CSNK1A1: variants seen among roughly 807,000 people sequenced by gnomAD.
The protein encoded by CSNK1A1 is casein kinase 1 alpha 1, also known as casein kinase I isoform alpha.
Under a neutral mutation model 46.1 loss-of-function variants are expected in CSNK1A1, and 7 were observed. That is an observed-to-expected ratio of 0.15 (90% CI 0.09 to 0.29). The LOEUF (loss-of-function observed/expected upper bound fraction) is 0.29, where lower values mean the gene tolerates loss of function less well. Among genes scored for constraint, CSNK1A1 ranks in the 10% least tolerant of loss-of-function variants. CSNK1A1 has a pLI of 1.00. For missense variants in CSNK1A1, 96 were observed against 417.1 expected, an observed-to-expected ratio of 0.23 and a Z score of 6.71; for synonymous variants, 137 against 141.5, an observed-to-expected ratio of 0.97 and a Z score of 0.23.
intron 2 of CSNK1A1, among the ~76,000 whole-genome samples, chr5:149,548,609 C>T (rs1444163986): frequency 3.3e-5 from 5 of 151,926 alleles, no homozygotes; most frequent in African/African-American, 1.2e-4. Flanking sequence ...GCCTGTAATC[C>T]CAGCACTTTG....
In CSNK1A1 at chr5:149,550,014, C is replaced by T; in HGVS notation, c.230+61G>A. 6.3e-7 allele frequency: 1 copy of T among 1,576,334 alleles called. No individual in the cohort carries two copies. The highest frequency in any genetic ancestry group is 8.6e-7 in the Non-Finnish European group (1 of 1,157,406). ...ATTCAGCTGGTCTCATTACCTGCCT[C>T]TACCCACTTCCCCATTCCGTGCTTC... On this transcript the variant is annotated intron_variant, in intron 2 of 9. Coordinates refer to ENST00000377843, the MANE Select transcript of CSNK1A1 (RefSeq NM_001892.6). This position sits in a 1 kb window ranked among gnomAD's most constrained non-coding sequence, Gnocchi z 4.3.
At chr5:149,523,722 T>C (rs1304557591) in intron 3 of CSNK1A1, among the ~76,000 whole-genome samples, 1 of 152,246 alleles carries the variant, frequency 6.6e-6, no homozygotes, top group African/African-American at 2.4e-5. Context: ...TTATGGGGTA[T>C]GTGTGATATT....
At chr5:149,501,335 A>G (rs1180388565) in intron 9 of CSNK1A1, 1 of 985,244 alleles carries the variant, frequency 1.0e-6, no homozygotes, top group East Asian at 1.1e-4. Flanking sequence ...CTTAGAATTG[A>G]GTGTATTCAG....
Position 149,509,056 on chromosome 5 carries a change from C to T in CSNK1A1, c.750+823G>A, listed in dbSNP as rs150736428. On this transcript the variant is annotated intron_variant, in intron 7 of 9. Coordinates refer to ENST00000377843, the MANE Select transcript of CSNK1A1 (RefSeq NM_001892.6). Reference sequence around the variant, plus strand: ...ATCCTGCCCCAGCATCCCCAAGAAGCTGAGATTACAGGCATGCGTCACCAT... The same window carrying T: ...ATCCTGCCCCAGCATCCCCAAGAAGTTGAGATTACAGGCATGCGTCACCAT... Among the ~76,000 whole-genome samples the T allele has an allele frequency of 9.9e-3, 1,499 of 152,046 alleles. 23 individuals are homozygous for T. Among genetic ancestry groups the T allele is most frequent in the African/African-American group, 0.034 (1,401 of 41,500 alleles).
At chr5:149,506,981 AT>A in intron 8 of CSNK1A1, 45 bp downstream of exon 8, 1 of 1,449,794 alleles carries the variant, frequency 6.9e-7, no homozygotes, top group Middle Eastern at 1.8e-4. Flanking sequence ...AATTTAACCA[AT>A]TTCCCTCACA....
intron 9 of CSNK1A1, chr5:149,503,072 T>C (rs1292162810): frequency 1.0e-5 from 10 of 985,308 alleles, no homozygotes; most frequent in Middle Eastern, 5.2e-4. Flanking sequence ...AGCTGAGTTA[T>C]TCCTTAAATA....
chr5:149,545,001 C>T (rs578239045), intron 2 of CSNK1A1, among the ~76,000 whole-genome samples: 101 of 150,764 alleles, frequency 6.7e-4, no homozygotes, highest in African/African-American at 2.3e-3. Flanking sequence ...CTGGGTGTGG[C>T]GGCGCGCCTG....
At chr5:149,511,994 G>A (rs931606861) in intron 5 of CSNK1A1, 122 bp from the exon 6 acceptor site, 24 of 680,192 alleles carry the variant, frequency 3.5e-5, no homozygotes, top group East Asian at 3.4e-4. Context: ...GGTGTCTTAC[G>A]CAAGAAGCTA....
rs188080895 is a variant in CSNK1A1 at position 149,504,256 on chromosome 5, C to T, written c.1006+1191G>A. 13 of 985,424 alleles carry T rather than the reference C, an allele frequency of 1.3e-5. No individual in the cohort carries two copies. The Admixed American group carries it at 1.8e-4, about 14-fold the overall frequency. The allele number at this position is 985,424 out of a possible 1,614,324, so 61.0% of individuals were successfully genotyped here. The stretch of plus-strand genomic sequence containing the variant: ...CAAATACAAAAACATGGAATAGAAG[C>T]ATCTCAACTTCATTCCTAACAGATG... On this transcript the variant is annotated intron_variant, in intron 9 of 9. Transcript: ENST00000377843.
At chr5:149,499,177 A>G (rs554431437) in intron 9 of CSNK1A1, 2 of 985,182 alleles carry the variant, frequency 2.0e-6, no homozygotes, top group South Asian at 9.4e-5. Flanking sequence ...TTTCCCCAAT[A>G]CGCATTGGTC....
rs55868099 is a variant in CSNK1A1, at chr5:149,505,443, T to C, written c.1006+4A>G. On this transcript the variant is annotated splice_donor_region_variant and intron_variant, in intron 9 of 9. Coordinates refer to ENST00000377843, the MANE Select transcript of CSNK1A1 (RefSeq NM_001892.6). ...GTAACGTCACTTGGTTCTTGGCTAC[T>C]AACCTTTCATGTTACTCTTGGTTTT... 4.5e-3 allele frequency: 7,194 copies of C among 1,612,446 alleles called. 35 individuals carry two copies. The highest frequency in any genetic ancestry group is 4.6e-3 in the Non-Finnish European group (5,408 of 1,178,970).
intron 9 of CSNK1A1, chr5:149,503,953 T>C (rs1241536810): frequency 1.0e-6 from 1 of 985,312 alleles, no homozygotes; most frequent in East Asian, 1.1e-4. Flanking sequence ...AAATATACTA[T>C]AGGTTGTCAG....
chr5:149,504,491 C>T, intron 9 of CSNK1A1: 1 of 985,352 alleles, frequency 1.0e-6, no homozygotes, highest in South Asian at 4.7e-5. Context: ...CCCACTACTT[C>T]CAGAAAGTAA....
intron 9 of CSNK1A1, chr5:149,502,689 A>T (rs1760908157): frequency 1.0e-6 from 1 of 985,180 alleles, no homozygotes; most frequent in Admixed American, 6.1e-5. Context: ...GTTTTTAACA[A>T]GAAAACCCCA....
At chr5:149,510,396 A>G (rs1360287273) in intron 6 of CSNK1A1, among the ~76,000 whole-genome samples, 1 of 152,034 alleles carries the variant, frequency 6.6e-6, no homozygotes, top group African/African-American at 2.4e-5. Flanking sequence ...CAGCCTATCA[A>G]GTAGCTGGGA....
At chr5:149,542,082 C>A (rs559958131) in intron 2 of CSNK1A1, among the ~76,000 whole-genome samples, 1 of 150,310 alleles carries the variant, frequency 6.7e-6, no homozygotes, top group South Asian at 2.2e-4. Flanking sequence ...AGTGAAGCTT[C>A]ATCTGTATTT....
chr5:149,535,663 A>C (rs986202139), intron 2 of CSNK1A1, among the ~76,000 whole-genome samples: 1 of 152,168 alleles, frequency 6.6e-6, no homozygotes, highest in Admixed American at 6.5e-5. Context: ...TTGTTTTGAA[A>C]TGGAGTCTCA....
intron 2 of CSNK1A1, among the ~76,000 whole-genome samples, chr5:149,535,942 A>C (rs1281827190): frequency 1.3e-5 from 2 of 151,932 alleles, no homozygotes; most frequent in Non-Finnish European, 2.9e-5. Flanking sequence ...TACCACACCC[A>C]GCCACCAAAT....
chr5:149,532,384 T>C, intron 2 of CSNK1A1, among the ~76,000 whole-genome samples: 1 of 142,272 alleles, frequency 7.0e-6, no homozygotes, highest in South Asian at 2.3e-4. Context: ...AGACTTAGTC[T>C]AAAAAAAAAA....
Sources: allele counts gnomAD v4.1 joint callset (sites outside exome capture counted in the v4.1 genomes callset), GRCh38; gene constraint gnomAD v4.1.1; non-coding constraint Gnocchi (gnomAD v3.1); transcripts MANE v1.5; gene names NCBI Gene and HGNC (gene_info 2026-07-23, HGNC 2026-07-21).